The following LRIG1 variants were observed in gnomAD, a reference collection of about 807,000 sequenced individuals.
LRIG1 encodes leucine-rich repeats and immunoglobulin-like domains protein 1.
A neutral mutation model predicts 99.2 loss-of-function variants in LRIG1; 48 were observed. That is an observed-to-expected ratio of 0.48 (90% CI 0.38 to 0.62). The LOEUF is 0.62. Ranked by LOEUF, LRIG1 falls within the 20% of genes least tolerant of loss-of-function variation. The probability of loss-of-function intolerance (pLI) is 0.00; values close to 1 mark genes in which losing one functional copy is unlikely to be tolerated. For synonymous variants in LRIG1, 772 were observed against 596.1 expected, an observed-to-expected ratio of 1.29 and a Z score of -4.30; for missense variants, 1,646 against 1,434.4, an observed-to-expected ratio of 1.15 and a Z score of -2.38.
chr3:66,471,814 C>T (rs977290806), intron 1 of LRIG1, among the ~76,000 whole-genome samples: 1 of 152,120 alleles, frequency 6.6e-6, no homozygotes, highest in African/African-American at 2.4e-5. Flanking sequence ...CCAGGTTCAC[C>T]AAGTGCTTTG....
intron 1 of LRIG1, among the ~76,000 whole-genome samples, chr3:66,486,947 C>G (rs1365370874): frequency 6.6e-6 from 1 of 152,162 alleles, no homozygotes; most frequent in Non-Finnish European, 1.5e-5. Flanking sequence ...AGAGGAAAAA[C>G]TTGGAATTCC....
intron 3 of LRIG1, among the ~76,000 whole-genome samples, chr3:66,446,585 T>C (rs1703734002): frequency 6.6e-6 from 1 of 151,874 alleles, no homozygotes; most frequent in Non-Finnish European, 1.5e-5. Context: ...TTTGTATTTT[T>C]AGTAGAGATG....
At chr3:66,452,105 C>T (rs1264323027) in intron 2 of LRIG1, among the ~76,000 whole-genome samples, 1 of 152,196 alleles carries the variant, frequency 6.6e-6, no homozygotes, top group African/African-American at 2.4e-5. Context: ...CCAATTATTT[C>T]AGTGCCTCAT....
At chr3:66,484,685 G>A (rs1254257611) in intron 1 of LRIG1, among the ~76,000 whole-genome samples, 4 of 152,144 alleles carry the variant, frequency 2.6e-5, no homozygotes, top group African/African-American at 9.7e-5. Context: ...ATGAGGGGCA[G>A]GTGGACAGTA....
rs922954332 is a variant in LRIG1 at position 66,382,361 on chromosome 3, G to C, written c.2529C>G (p.Leu843=). 8.7e-6 allele frequency: 14 copies of C among 1,614,212 alleles called. No individual in the cohort carries two copies. The highest frequency in any genetic ancestry group is 1.2e-5 in the Non-Finnish European group (14 of 1,180,026). The stretch of plus-strand genomic sequence containing the variant: ...GGTCAGAAAGGGTCCCCTGAGAAGA[G>C]AGGTAGCTTGGAACATCTGGTGGCA... ...TVVPPDVPSY[L]SSQGTLSDRQ... is the part of the protein sequence containing the mutation. Residue 843 remains leucine, a synonymous_variant, in exon 16 of 19, where the codon CTC becomes CTG. Transcript: ENST00000273261.
intron 6 of LRIG1, among the ~76,000 whole-genome samples, chr3:66,411,902 T>C (rs1449030284): frequency 1.5e-5 from 2 of 131,714 alleles, no homozygotes; most frequent in African/African-American, 5.9e-5. Flanking sequence ...TGCTTGCCTC[T>C]TGGGAGAAGA....
In LRIG1 at chr3:66,385,973, T is replaced by C; in HGVS notation, c.1789+8A>G. On this transcript the variant is annotated splice_region_variant and intron_variant, in intron 13 of 18. Coordinates refer to ENST00000273261, the MANE Select transcript of LRIG1 (RefSeq NM_015541.3). ...TCTGGTACTATAACAAAGATGGTGT[T>C]TCCATACCATTCACGGTGAGCCTGG... is the stretch of plus-strand genomic sequence containing the variant. The C allele has an allele frequency of 6.2e-7, 1 of 1,611,114 alleles. No individual in the cohort carries two copies. The highest frequency in any genetic ancestry group is 8.5e-7 in the Non-Finnish European group (1 of 1,177,904).
intron 2 of LRIG1, among the ~76,000 whole-genome samples, chr3:66,460,653 G>C (rs73833500): frequency 0.026 from 3,970 of 152,310 alleles, 183 homozygotes; most frequent in African/African-American, 0.089. Context: ...TGGACTTCCT[G>C]CTTCCAGACT....
intron 16 of LRIG1, among the ~76,000 whole-genome samples, 185 bp downstream of exon 16, chr3:66,382,088 T>C (rs1054762686): frequency 6.6e-6 from 1 of 152,164 alleles, no homozygotes; most frequent in Non-Finnish European, 1.5e-5. Flanking sequence ...GACAGGACTT[T>C]AAAACCTTGC....
At chr3:66,488,128 C>T (rs982933082) in intron 1 of LRIG1, among the ~76,000 whole-genome samples, 1 of 152,092 alleles carries the variant, frequency 6.6e-6, no homozygotes, top group South Asian at 2.1e-4. Context: ...ACAAATTCCA[C>T]GTCGAAGAAA....
At chr3:66,496,022 G>A (rs1389233478) in intron 1 of LRIG1, among the ~76,000 whole-genome samples, 1 of 152,180 alleles carries the variant, frequency 6.6e-6, no homozygotes, top group Non-Finnish European at 1.5e-5. Context: ...GTGCAGAGCT[G>A]GGGAGATGGG....
At chr3:66,483,307 G>A (rs1012732096) in intron 1 of LRIG1, among the ~76,000 whole-genome samples, 3 of 152,230 alleles carry the variant, frequency 2.0e-5, no homozygotes, top group Non-Finnish European at 4.4e-5. Flanking sequence ...TGGAGATCCT[G>A]CGTGTCTGAG....
At chr3:66,489,632 A>G (rs142569572) in intron 1 of LRIG1, among the ~76,000 whole-genome samples, 12 of 152,318 alleles carry the variant, frequency 7.9e-5, no homozygotes, top group Non-Finnish European at 1.3e-4. Context: ...CCAATGAAAT[A>G]TAAGTTTACT....
At chr3:66,391,996 T>TA (rs1346875891) in intron 12 of LRIG1, among the ~76,000 whole-genome samples, 1 of 152,204 alleles carries the variant, frequency 6.6e-6, no homozygotes, top group African/African-American at 2.4e-5. Context: ...ACTACTAACC[T>TA]AATCTCTACC....
chr3:66,473,806 G>T (rs1700656180), intron 1 of LRIG1, among the ~76,000 whole-genome samples: 1 of 152,244 alleles, frequency 6.6e-6, no homozygotes, highest in Admixed American at 6.5e-5. Flanking sequence ...CCACAGTGAA[G>T]TCACTGACTT....
At chr3:66,481,555 G>A (rs373154007) in intron 1 of LRIG1, among the ~76,000 whole-genome samples, 10 of 152,146 alleles carry the variant, frequency 6.6e-5, no homozygotes, top group African/African-American at 1.7e-4. Flanking sequence ...ATACACACAC[G>A]CATGCACACA....
intron 6 of LRIG1, 67 bp downstream of exon 6, chr3:66,412,804 C>T: frequency 6.3e-7 from 1 of 1,580,560 alleles, no homozygotes; most frequent in Non-Finnish European, 8.7e-7. Context: ...CGCACACACA[C>T]ACACGCCACA....
At position 66,380,446 on chromosome 3, in the gene LRIG1, G is replaced by A. The variant is rs61754218; in HGVS notation, c.3099C>T (p.Ser1033=). 0.065 allele frequency: 104,359 copies of A among 1,614,124 alleles called. 3,653 individuals carry two copies. The highest frequency in any genetic ancestry group is 0.079 in the South Asian group (7,171 of 91,068). Residue 1033 remains serine (S), a synonymous_variant, in exon 19 of 19, where the codon TCC becomes TCT. Coordinates refer to ENST00000273261, the MANE Select transcript of LRIG1 (RefSeq NM_015541.3). ...WTLARLYHPD[S]TELQPASSLT... ...ATGAAGATGCAGGCTGTAGCTCTGT[G>A]GAGTCCGGGTGATACAACCTTGCTA...
Position 66,443,996 on chromosome 3 carries a change from C to G in LRIG1, c.365+7563G>C, listed in dbSNP as rs373717735. Among the ~76,000 whole-genome samples, 90 of 152,300 alleles carry G rather than the reference C, an allele frequency of 5.9e-4. No homozygotes were observed. In the South Asian group the frequency reaches 0.012, roughly 21 times the overall value. On this transcript the variant is annotated intron_variant, in intron 3 of 18. Coordinates refer to ENST00000273261, the MANE Select transcript of LRIG1 (RefSeq NM_015541.3). Reference sequence around the variant, plus strand: ...AAAAAATGCCCACCTTTCAGACACGCCTGTTAACTTCCATCTGGAAAAAGA... The same window carrying G: ...AAAAAATGCCCACCTTTCAGACACGGCTGTTAACTTCCATCTGGAAAAAGA...
Sources: gnomAD v4.1 joint callset for allele counts (sites outside exome capture counted in the v4.1 genomes callset) on GRCh38, gnomAD v4.1.1 for gene constraint, MANE v1.5 for transcripts, NCBI Gene and HGNC (gene_info 2026-07-23, HGNC 2026-07-21) for gene names.